FILIP1L: variants seen among roughly 807,000 people sequenced by gnomAD.
FILIP1L encodes the protein filamin A interacting protein 1 like, also known as filamin A-interacting protein 1-like.
Under a neutral mutation model 96.6 loss-of-function variants are expected in FILIP1L, and 55 were observed. The observed-to-expected ratio is 0.57, with a 90% CI of 0.46 to 0.71. FILIP1L has a LOEUF of 0.71. FILIP1L is among the 30% of genes least tolerant of loss of function. The probability of loss-of-function intolerance (pLI) is 0.00; values close to 1 mark genes in which losing one functional copy is unlikely to be tolerated. For missense variants in FILIP1L, 1,304 were observed against 1,321.2 expected (o/e 0.99, Z 0.20); for synonymous variants, 467 against 473.9 (o/e 0.99, Z 0.19).
At chr3:100,083,577 T>C (rs1424934929) in intron 1 of FILIP1L, among the ~76,000 whole-genome samples, 1 of 152,222 alleles carries the variant, frequency 6.6e-6, no homozygotes, top group African/African-American at 2.4e-5. Context: ...CAAATGATTT[T>C]TGCCAAGAAA....
At chr3:99,869,471 T>C (rs368019679) in intron 4 of FILIP1L, among the ~76,000 whole-genome samples, 6 of 152,224 alleles carry the variant, frequency 3.9e-5, no homozygotes, top group African/African-American at 1.4e-4. Flanking sequence ...ATTTTCCTTT[T>C]AGCAGCAGTG....
intron 1 of FILIP1L, among the ~76,000 whole-genome samples, chr3:100,018,219 A>G (rs1710401731): frequency 6.6e-6 from 1 of 152,102 alleles, no homozygotes; most frequent in Middle Eastern, 3.2e-3. Flanking sequence ...CCAGCTACTC[A>G]GGAGGCTGAG....
chr3:100,084,415 C>G (rs1175852061), intron 1 of FILIP1L, among the ~76,000 whole-genome samples: 1 of 152,130 alleles, frequency 6.6e-6, no homozygotes, highest in East Asian at 1.9e-4. Context: ...AGGCTGCTTG[C>G]AAATTCACAT....
chr3:99,904,182 T>C (rs1054062368), intron 4 of FILIP1L, among the ~76,000 whole-genome samples: 1 of 152,232 alleles, frequency 6.6e-6, no homozygotes, highest in Admixed American at 6.5e-5. Context: ...TAATGATAAG[T>C]GTATGGCTTT....
At chr3:99,880,102 C>T (rs2107600813) in intron 4 of FILIP1L, among the ~76,000 whole-genome samples, 1 of 152,276 alleles carries the variant, frequency 6.6e-6, no homozygotes, top group South Asian at 2.1e-4. Flanking sequence ...TGCTACACAA[C>T]TTAGGACGAA....
intron 4 of FILIP1L, among the ~76,000 whole-genome samples, chr3:99,883,531 G>A (rs896064812): frequency 6.6e-6 from 1 of 151,986 alleles, no homozygotes; most frequent in Admixed American, 6.6e-5. Flanking sequence ...TTGGCTGGGG[G>A]GTGTTGTATA....
intron 1 of FILIP1L, chr3:100,011,650 T>G (rs1710160421): frequency 6.6e-6 from 1 of 152,208 alleles, no homozygotes. Context: ...AGGATGTCAT[T>G]GATGTTCTGC....
At chr3:100,031,439 T>C (rs2065020316) in intron 1 of FILIP1L, among the ~76,000 whole-genome samples, 1 of 152,116 alleles carries the variant, frequency 6.6e-6, no homozygotes, top group Admixed American at 6.6e-5. Context: ...AGGGTTCACA[T>C]TATCATCATG....
intron 1 of FILIP1L, among the ~76,000 whole-genome samples, chr3:100,033,097 A>C (rs182480499): frequency 6.6e-6 from 1 of 152,218 alleles, no homozygotes; most frequent in African/African-American, 2.4e-5. Context: ...ACTATCTTCA[A>C]CTATATTGCT....
At chr3:100,039,041 G>A (rs1195520394) in intron 1 of FILIP1L, among the ~76,000 whole-genome samples, 1 of 152,104 alleles carries the variant, frequency 6.6e-6, no homozygotes, top group Non-Finnish European at 1.5e-5. Flanking sequence ...CATTAATTCA[G>A]CAATAACAGA....
intron 1 of FILIP1L, among the ~76,000 whole-genome samples, chr3:99,937,041 A>G (rs898843400): frequency 6.6e-6 from 1 of 151,702 alleles, no homozygotes; most frequent in Non-Finnish European, 1.5e-5. Flanking sequence ...GAGTTCAAGC[A>G]ATTTTCCTGC....
At chr3:99,856,379 C>T (rs908560509) in intron 4 of FILIP1L, among the ~76,000 whole-genome samples, 2 of 152,122 alleles carry the variant, frequency 1.3e-5, no homozygotes, top group African/African-American at 4.8e-5. Flanking sequence ...CTTTATGTAC[C>T]CTCAGGGGTA....
chr3:100,073,620 G>T (rs868090907), intron 1 of FILIP1L, among the ~76,000 whole-genome samples: 12 of 152,090 alleles, frequency 7.9e-5, no homozygotes, highest in Admixed American at 2.0e-4. Context: ...CATTTTGTTA[G>T]AGCTCCTCAA....
At chr3:99,847,285 A>G (rs1025733614) in intron 5 of FILIP1L, among the ~76,000 whole-genome samples, 12 of 151,868 alleles carry the variant, frequency 7.9e-5, no homozygotes, top group African/African-American at 2.9e-4. Context: ...GGTAGCACCT[A>G]CATTAAGTAA....
intron 3 of FILIP1L, among the ~76,000 whole-genome samples, chr3:99,926,407 T>A (rs1251010082): frequency 1.3e-5 from 2 of 152,230 alleles, no homozygotes; most frequent in African/African-American, 4.8e-5. Flanking sequence ...CTAGTGTTGA[T>A]TGTCATGGAA....
intron 1 of FILIP1L, among the ~76,000 whole-genome samples, chr3:99,946,797 GTATT>G (rs985732634): frequency 6.2e-4 from 94 of 152,126 alleles, no homozygotes; most frequent in Non-Finnish European, 9.4e-4. Flanking sequence ...GTTGGCTGCA[GTATT>G]TAAAGTAGTG....
intron 4 of FILIP1L, among the ~76,000 whole-genome samples, chr3:99,890,425 A>G (rs542942589): frequency 6.6e-6 from 1 of 152,234 alleles, no homozygotes; most frequent in African/African-American, 2.4e-5. Context: ...CTTAGTTTAT[A>G]TTAACATTTC....
At chr3:100,027,603 T>C (rs2064950060) in intron 1 of FILIP1L, among the ~76,000 whole-genome samples, 1 of 152,182 alleles carries the variant, frequency 6.6e-6, no homozygotes, top group African/African-American at 2.4e-5. Flanking sequence ...TCAACTTCGA[T>C]ACATGCTTAT....
intron 4 of FILIP1L, among the ~76,000 whole-genome samples, chr3:99,913,532 G>A (rs1323513793): frequency 1.3e-5 from 2 of 152,122 alleles, no homozygotes; most frequent in Non-Finnish European, 2.9e-5. Flanking sequence ...ACAATCTAAA[G>A]CTCATAAGGT....
Sources: allele counts gnomAD v4.1 joint callset (sites outside exome capture counted in the v4.1 genomes callset), GRCh38; gene constraint gnomAD v4.1.1; transcripts MANE v1.5; gene names NCBI Gene and HGNC (gene_info 2026-07-23, HGNC 2026-07-21).